PSG11: variants seen among roughly 807,000 people sequenced by gnomAD.
PSG11 encodes pregnancy-specific beta-1-glycoprotein 11.
In PSG11, 42 loss-of-function variants were observed where a neutral mutation model predicts 36.0. That is an observed-to-expected ratio of 1.17 (90% CI 0.91 to 1.51). The LOEUF (loss-of-function observed/expected upper bound fraction) is 1.51. Ranked by LOEUF, PSG11 falls within the 40% of genes most tolerant of loss-of-function variation. The pLI is 0.00. For synonymous variants in PSG11, 206 were observed against 153.5 expected (o/e 1.34, Z -2.53); for missense variants, 558 against 403.5 (o/e 1.38, Z -3.28).
At position 43,014,498 on chromosome 19, in the gene PSG11, G is replaced by T; in HGVS notation, c.964+618C>A. On this transcript the variant is annotated intron_variant, in intron 4 of 5. Coordinates refer to ENST00000320078, the MANE Select transcript of PSG11 (RefSeq NM_002785.3). ...TTCTCTTCTTATTTCCTTGCAGCCT[G>T]GCCCGGGGGAGGCTTGGCTTGAACT... 2 of 976,404 alleles carry T rather than the reference G, an allele frequency of 2.0e-6. 1 individual carries two copies. Among genetic ancestry groups the T allele is most frequent in the Non-Finnish European group, 2.4e-6 (2 of 821,212 alleles). 60.5% of individuals were successfully genotyped at this position (976,404 alleles called of 1,614,324 possible).
intron 5 of PSG11, among the ~76,000 whole-genome samples, chr19:43,009,325 A>G (rs566551027): frequency 6.6e-6 from 1 of 151,388 alleles, no homozygotes; most frequent in African/African-American, 2.4e-5. Context: ...GGTGGAAGGG[A>G]TTTCACTCTG....
chr19:43,023,315 T>C (rs1381356387), intron 2 of PSG11, among the ~76,000 whole-genome samples: 2 of 150,730 alleles, frequency 1.3e-5, no homozygotes, highest in African/African-American at 2.5e-5. Context: ...CATTCCTTCA[T>C]TTGTTATGTG....
intron 2 of PSG11, among the ~76,000 whole-genome samples, chr19:43,022,837 A>C (rs1967134272): frequency 1.3e-5 from 2 of 150,422 alleles, no homozygotes; most frequent in East Asian, 3.9e-4. Flanking sequence ...CACCTTTCCT[A>C]TTTCCTGGGA....
chr19:43,011,390 A>G (rs1974073111), intron 4 of PSG11, among the ~76,000 whole-genome samples: 1 of 151,284 alleles, frequency 6.6e-6, no homozygotes, highest in African/African-American at 2.4e-5. Context: ...AGGATATGAA[A>G]GAAGAACAAA....
chr19:43,014,885 G>A, intron 4 of PSG11: 2 of 1,394,926 alleles, frequency 1.4e-6, no homozygotes, highest in Non-Finnish European at 1.9e-6. Context: ...GGCTGATAAA[G>A]CCCCCTCCCT....
intron 5 of PSG11, 114 bp from the exon 6 acceptor site, chr19:43,008,156 G>T: frequency 3.4e-6 from 1 of 293,226 alleles, no homozygotes; most frequent in East Asian, 5.1e-5. Context: ...AAAATCTAAT[G>T]AGAATTTATT....
At chr19:43,020,895 G>C (rs144303870) in intron 2 of PSG11, among the ~76,000 whole-genome samples, 1,851 of 151,536 alleles carry the variant, frequency 0.012, 78 homozygotes, top group African/African-American at 0.028. Flanking sequence ...TTCATTTTCT[G>C]TTAAGCTCAG....
chr19:43,009,394 A>T (rs1974015353), intron 5 of PSG11, among the ~76,000 whole-genome samples: 2 of 151,304 alleles, frequency 1.3e-5, no homozygotes, highest in African/African-American at 2.4e-5. Context: ...AGGGGCAGGG[A>T]TGTGTAGGAA....
intron 3 of PSG11, among the ~76,000 whole-genome samples, chr19:43,016,776 T>C (rs1437268644): frequency 6.6e-6 from 1 of 151,532 alleles, no homozygotes; most frequent in African/African-American, 2.4e-5. Context: ...ATGTTCCCTG[T>C]CCTGGGTCCT....
intron 5 of PSG11, among the ~76,000 whole-genome samples, chr19:43,008,291 G>C (rs537350639): frequency 1.3e-5 from 2 of 150,698 alleles, no homozygotes; most frequent in African/African-American, 4.9e-5. Flanking sequence ...AATTTTTTTT[G>C]AGATGGAGTC....
intron 2 of PSG11, among the ~76,000 whole-genome samples, chr19:43,022,190 A>G (rs867291316): frequency 2.6e-5 from 4 of 151,530 alleles, no homozygotes; most frequent in African/African-American, 9.7e-5. Flanking sequence ...TGACTGCTGC[A>G]ATGTCATTTG....
chr19:43,008,296 G>A (rs1417796217), intron 5 of PSG11, among the ~76,000 whole-genome samples: 1 of 150,884 alleles, frequency 6.6e-6, no homozygotes, highest in Non-Finnish European at 1.5e-5. Context: ...TTTTTGAGAT[G>A]GAGTCTCACT....
rs370286009 is a variant in PSG11, at chr19:43,023,044, A to AGACACTGAC, written c.430+1638_430+1646dup. ...ACACCATGGCAGTGAGCAGTGAGGG[A>AGACACTGAC]GACACTGACTTCAGAGCCCCCAGGA... On this transcript the variant is annotated intron_variant, in intron 2 of 5. Coordinates refer to ENST00000320078, the MANE Select transcript of PSG11 (RefSeq NM_002785.3). Among the ~76,000 whole-genome samples the AGACACTGAC allele has an allele frequency of 8.9e-4, 134 of 150,928 alleles. 1 individual carries two copies. In the Middle Eastern group the frequency reaches 0.01, roughly 11 times the overall value.
rs753299275 is a variant in PSG11, at chr19:43,025,095, A to G, written c.65-39T>C. Reference sequence around the variant, plus strand: ...AGAGCATCAGTCAATATTGAGACCTATGTATTGGGGTGAAAAGATGGGGCC... The same window carrying G: ...AGAGCATCAGTCAATATTGAGACCTGTGTATTGGGGTGAAAAGATGGGGCC... On this transcript the variant is annotated intron_variant, in intron 1 of 5. Coordinates refer to ENST00000320078, the MANE Select transcript of PSG11 (RefSeq NM_002785.3). 1.1e-5 allele frequency: 18 copies of G among 1,587,550 alleles called. No individual in the cohort carries two copies. The Admixed American group carries it at 1.2e-4, about 11-fold the overall frequency.
Position 43,026,302 on chromosome 19 carries a change from T to C in PSG11, c.64+7A>G. 5.0e-6 allele frequency: 8 copies of C among 1,610,524 alleles called. No homozygotes were observed. Among genetic ancestry groups the C allele is most frequent in the Non-Finnish European group, 5.9e-6 (7 of 1,178,336 alleles). The stretch of plus-strand genomic sequence containing the variant: ...TCCTGTCCTCTCCCAGGAAGTTCTC[T>C]CCTCACCTGTGAGCAGGAGCCCCTT... On this transcript the variant is annotated splice_region_variant and intron_variant, in intron 1 of 5. Transcript: ENST00000320078.
intron 2 of PSG11, among the ~76,000 whole-genome samples, chr19:43,020,098 G>A (rs1468539155): frequency 1.3e-5 from 2 of 151,404 alleles, no homozygotes; most frequent in African/African-American, 4.9e-5. Flanking sequence ...CTGGGATCAG[G>A]GGAATTGGGT....
At chr19:43,016,605 T>G (rs1411057297) in intron 3 of PSG11, among the ~76,000 whole-genome samples, 1 of 151,474 alleles carries the variant, frequency 6.6e-6, no homozygotes, top group Non-Finnish European at 1.5e-5. Flanking sequence ...GGAGGTCAGT[T>G]CAGTCATCAG....
In PSG11 at chr19:43,021,593, G is replaced by A. The variant is rs1236895414; in HGVS notation, c.431-2545C>T. ...GTCTCCATCTCCTGACCTTGTGCCT[G>A]CCCCAGTCTCCCAAAGTGCTGCGAT... On this transcript the variant is annotated intron_variant, in intron 2 of 5. Transcript: ENST00000320078. 2.0e-5 allele frequency among the ~76,000 whole-genome samples: 3 copies of A among 151,292 alleles called. 1 individual carries two copies. The highest frequency in any genetic ancestry group is 4.4e-5 in the Non-Finnish European group (3 of 67,890).
intron 5 of PSG11, among the ~76,000 whole-genome samples, chr19:43,009,699 C>T (rs1339523843): frequency 6.0e-5 from 9 of 149,780 alleles, no homozygotes; most frequent in Non-Finnish European, 1.3e-4. Flanking sequence ...GAAGGTTTCA[C>T]CATGTGAAAT....
Sources: gnomAD v4.1 joint callset for allele counts (sites outside exome capture counted in the v4.1 genomes callset) on GRCh38, gnomAD v4.1.1 for gene constraint, MANE v1.5 for transcripts, NCBI Gene and HGNC (gene_info 2026-07-23, HGNC 2026-07-21) for gene names.